The following DIDO1 variants were observed in gnomAD, a reference collection of about 807,000 sequenced individuals.
The protein encoded by DIDO1 is death-inducer obliterator 1.
DIDO1 carries 16 observed loss-of-function variants against 99.4 expected under a neutral mutation model. The ratio of observed to expected loss-of-function variants is 0.16; its 90% CI spans 0.11 to 0.24. The LOEUF (loss-of-function observed/expected upper bound fraction) is 0.24. Ranked by LOEUF, DIDO1 falls within the 10% of genes least tolerant of loss-of-function variation. The pLI is 1.00. For missense variants in DIDO1, 2,996 were observed against 3,014.0 expected (o/e 0.99, Z 0.14); for synonymous variants, 1,366 against 1,239.1 (o/e 1.10, Z -2.15).
In DIDO1 at chr20:62,884,650, G is replaced by T. The variant is rs959009540; in HGVS notation, c.3542-2236C>A. Among the ~76,000 whole-genome samples the T allele has an allele frequency of 1.3e-4, 20 of 152,200 alleles. 1 individual carries two copies. The highest frequency in any genetic ancestry group is 1.3e-3 in the Admixed American group (20 of 15,284). ...AGGAACTGATGGACAGGCTGAGCAC[G>T]GAAGATGGGTGAAGGCAGGAATACC... On this transcript the variant is annotated intron_variant, in intron 15 of 15. Coordinates refer to ENST00000395343, the MANE Select transcript of DIDO1 (RefSeq NM_001193369.2).
Position 62,894,215 on chromosome 20 carries a change from C to T in DIDO1, c.2573-21G>A, listed in dbSNP as rs1276574004. On this transcript the variant is annotated intron_variant, in intron 11 of 15. Transcript: ENST00000395343. The surrounding 1 kb of genome is among the most constrained non-coding windows in gnomAD (Gnocchi z 4.4). ...CTGGCCTGAAGAAGGCGAGGAAAGG[C>T]TCTGTGAGAAACCCAGCCGGCACAC... 2 of 1,604,332 alleles carry T rather than the reference C, an allele frequency of 1.2e-6. No homozygotes were observed. The highest frequency in any genetic ancestry group is 1.7e-6 in the Non-Finnish European group (2 of 1,172,988).
chr20:62,909,204 G>A (rs1228494947), intron 4 of DIDO1, among the ~76,000 whole-genome samples: 1 of 152,256 alleles, frequency 6.6e-6, no homozygotes, highest in East Asian at 1.9e-4. Context: ...CCTGCCCTGT[G>A]GGGACTGGAA....
chr20:62,907,392 T>C (rs1430017883), intron 4 of DIDO1, 33 bp from the exon 5 acceptor site: 1 of 1,600,478 alleles, frequency 6.2e-7, no homozygotes, highest in Admixed American at 1.7e-5. Context: ...TCAAACAATG[T>C]ACTTGCCAAT....
upstream of DIDO1, among the ~76,000 whole-genome samples, chr20:62,931,429 TTTC>T (rs2065331281): frequency 6.6e-6 from 1 of 151,996 alleles, no homozygotes; most frequent in African/African-American, 2.4e-5. Flanking sequence ...CAAAAAACTA[TTTC>T]TTTTCTGACT....
In DIDO1 at chr20:62,896,138, G is replaced by A; in HGVS notation, c.2214+95C>T. 7.7e-7 allele frequency: 1 copy of A among 1,295,296 alleles called. No homozygotes were observed. The highest frequency in any genetic ancestry group is 1.1e-6 in the Non-Finnish European group (1 of 941,226). 80.2% of individuals were successfully genotyped at this position (1,295,296 alleles called of 1,614,324 possible). A position where few individuals can be genotyped will look rare whatever the true frequency, so the allele number is the denominator to read the frequency against. On this transcript the variant is annotated intron_variant, in intron 8 of 15. Coordinates refer to ENST00000395343, the MANE Select transcript of DIDO1 (RefSeq NM_001193369.2). The surrounding 1 kb of genome is among the most constrained non-coding windows in gnomAD (Gnocchi z 4.4). Reference sequence around the variant, plus strand: ...GAGAAAGAAACGTCTTAGCTTTCCTGGAAAGGACACGAACATCTCAAAATA... The same window carrying A: ...GAGAAAGAAACGTCTTAGCTTTCCTAGAAAGGACACGAACATCTCAAAATA...
chr20:62,915,981 A>T (rs976327850), intron 1 of DIDO1, among the ~76,000 whole-genome samples: 2 of 152,254 alleles, frequency 1.3e-5, no homozygotes, highest in Non-Finnish European at 2.9e-5. Flanking sequence ...AAAAGATCAG[A>T]TCACTTTATA....
intron 6 of DIDO1, among the ~76,000 whole-genome samples, chr20:62,899,839 C>G (rs2064623123): frequency 6.6e-6 from 1 of 152,176 alleles, no homozygotes; most frequent in Non-Finnish European, 1.5e-5. Context: ...TTCTATCCAG[C>G]AACTGTTCCA....
At chr20:62,936,768 G>A (rs2147620305) in intron 1 of DIDO1, among the ~76,000 whole-genome samples, 1 of 152,220 alleles carries the variant, frequency 6.6e-6, no homozygotes, top group East Asian at 1.9e-4. Context: ...GGAGGCTGAG[G>A]CAGGAGAATC....
At chr20:62,917,326 T>C (rs988384307) in intron 1 of DIDO1, among the ~76,000 whole-genome samples, 1 of 152,220 alleles carries the variant, frequency 6.6e-6, no homozygotes, top group African/African-American at 2.4e-5. Context: ...TCACCTCACC[T>C]GGCCGATAAT....
chr20:62,886,632 CCTT>C (rs1298286974), intron 15 of DIDO1, among the ~76,000 whole-genome samples: 1 of 152,106 alleles, frequency 6.6e-6, no homozygotes, highest in African/African-American at 2.4e-5. Context: ...GGAAGACGCT[CCTT>C]CTTACTAAAT....
chr20:62,881,022 G>A lies in DIDO1; in HGVS notation c.4934C>T (p.Ala1645Val), dbSNP rs538737523. ...KAEPGEGTRP[A>V]TVGDSSARPA... ...CCTGGCCGAGCTGTCTCCAACCGTGGCGGGGCGGGTGCCCTCCCCAGGCTC... is the reference window on the plus strand; with the variant it reads ...CCTGGCCGAGCTGTCTCCAACCGTGACGGGGCGGGTGCCCTCCCCAGGCTC... The change falls in exon 16 of 16, where the codon GCC (alanine) becomes GTC (valine). Residue 1645 changes from alanine to valine, a missense_variant. Physicochemically the swap from Ala to Val is moderately conservative, Grantham distance 64 (BLOSUM62 0). Transcript: ENST00000395343. This position sits in a 1 kb window ranked among gnomAD's most constrained non-coding sequence, Gnocchi z 8.3. The A allele has an allele frequency of 3.1e-6, 5 of 1,604,494 alleles. No individual in the cohort carries two copies. The South Asian group carries it at 3.3e-5, about 11-fold the overall frequency.
chr20:62,893,028 A>G, intron 12 of DIDO1, 66 bp from the exon 13 acceptor site: 3 of 1,511,664 alleles, frequency 2.0e-6, no homozygotes, highest in Non-Finnish European at 2.7e-6. Flanking sequence ...CAAAAGTAGA[A>G]AGCCTTTTTT....
At position 62,896,026 on chromosome 20, in the gene DIDO1, G is replaced by A. The variant is rs6090155; in HGVS notation, c.2214+207C>T. Among the ~76,000 whole-genome samples, 26,853 of 152,078 alleles carry A rather than the reference G, an allele frequency of 0.18. 2,628 individuals are homozygous for A. Among genetic ancestry groups the A allele is most frequent in the East Asian group, 0.28 (1,451 of 5,168 alleles). The stretch of plus-strand genomic sequence containing the variant: ...TTCAGGGAAGCCAGGAAGCGGACGC[G>A]ACCCTAGTTAAGGCAGGGAAGGGAA... On this transcript the variant is annotated intron_variant, in intron 8 of 15. Coordinates refer to ENST00000395343, the MANE Select transcript of DIDO1 (RefSeq NM_001193369.2). The surrounding 1 kb of genome is among the most constrained non-coding windows in gnomAD (Gnocchi z 4.4).
intron 2 of DIDO1, 134 bp downstream of exon 2, chr20:62,914,076 T>C (rs1373366048): frequency 2.6e-5 from 4 of 152,230 alleles, no homozygotes; most frequent in African/African-American, 9.6e-5. Context: ...CTGATACAAA[T>C]GGCTGAATGT....
At chr20:62,892,573 G>A (rs981467418) in intron 13 of DIDO1, among the ~76,000 whole-genome samples, 12 of 152,220 alleles carry the variant, frequency 7.9e-5, no homozygotes, top group African/African-American at 2.7e-4. Context: ...TGAGAGGCCA[G>A]ACTGCAGGCT....
At chr20:62,921,997 T>TAC (rs1555851618) in intron 1 of DIDO1, among the ~76,000 whole-genome samples, 1 of 149,986 alleles carries the variant, frequency 6.7e-6, no homozygotes, top group Admixed American at 6.7e-5. Context: ...ACAATATATA[T>TAC]ACACTATATA....
At chr20:62,882,658 G>A (rs557034952) in intron 15 of DIDO1, among the ~76,000 whole-genome samples, 1 of 152,168 alleles carries the variant, frequency 6.6e-6, no homozygotes, top group East Asian at 1.9e-4. Context: ...CAGTCCTCCC[G>A]GAGCCATGTG....
At position 62,894,219 on chromosome 20, in the gene DIDO1, G is replaced by A; in HGVS notation, c.2573-25C>T. Reference sequence around the variant, plus strand: ...CCTGAAGAAGGCGAGGAAAGGCTCTGTGAGAAACCCAGCCGGCACACTGGT... The same window carrying A: ...CCTGAAGAAGGCGAGGAAAGGCTCTATGAGAAACCCAGCCGGCACACTGGT... On this transcript the variant is annotated intron_variant, in intron 11 of 15. Transcript: ENST00000395343. The surrounding 1 kb of genome is among the most constrained non-coding windows in gnomAD (Gnocchi z 4.4). 1 of 1,603,080 alleles carries A rather than the reference G, an allele frequency of 6.2e-7. No individual in the cohort carries two copies. The highest frequency in any genetic ancestry group is 1.7e-5 in the Admixed American group (1 of 59,548).
intron 1 of DIDO1, among the ~76,000 whole-genome samples, chr20:62,915,561 T>C (rs2065023143): frequency 6.6e-6 from 1 of 152,222 alleles, no homozygotes; most frequent in Non-Finnish European, 1.5e-5. Context: ...CAATCATGGC[T>C]CACTACAGTC....
Sources: gnomAD v4.1 joint callset for allele counts (sites outside exome capture counted in the v4.1 genomes callset) on GRCh38, gnomAD v4.1.1 for gene constraint, Gnocchi (gnomAD v3.1) non-coding constraint, MANE v1.5 for transcripts, NCBI Gene and HGNC (gene_info 2026-07-23, HGNC 2026-07-21) for gene names.